The following SULF2 variants were observed in gnomAD, a reference collection of about 807,000 sequenced individuals.
SULF2 encodes sulfatase 2, also known as extracellular sulfatase Sulf-2.
SULF2 carries 52 observed loss-of-function variants against 107.7 expected under a neutral mutation model. The observed-to-expected ratio is 0.48, with a 90% CI of 0.39 to 0.61. SULF2 has a LOEUF of 0.61. Among genes scored for constraint, SULF2 ranks in the 20% least tolerant of loss-of-function variants. The pLI, the probability that SULF2 is intolerant of heterozygous loss-of-function variation, is 0.00. For missense variants in SULF2, 993 were observed against 1,177.3 expected (o/e 0.84, Z 2.29); for synonymous variants, 460 against 464.3 (o/e 0.99, Z 0.12).
intron 6 of SULF2, among the ~76,000 whole-genome samples, chr20:47,684,139 T>C (rs576502611): frequency 1.3e-5 from 2 of 152,338 alleles, no homozygotes; most frequent in East Asian, 3.9e-4. Context: ...TTGTATGGTA[T>C]GTGAATTACA....
chr20:47,678,589 C>A lies in SULF2; in HGVS notation c.1193+87G>T. On this transcript the variant is annotated intron_variant, in intron 8 of 20. Transcript: ENST00000688720. The surrounding 1 kb of genome is among the most constrained non-coding windows in gnomAD (Gnocchi z 4.5). ...CCCCAGCTCCCGACCCTTGGAGACC[C>A]CACGTTCTAGACCCACAGGGTTTTG... The A allele has an allele frequency of 6.5e-7, 1 of 1,547,134 alleles. No homozygotes were observed. Among genetic ancestry groups the A allele is most frequent in the South Asian group, 1.2e-5 (1 of 84,088 alleles).
chr20:47,755,652 C>T (rs56320712), intron 2 of SULF2, among the ~76,000 whole-genome samples: 4 of 152,146 alleles, frequency 2.6e-5, no homozygotes, highest in East Asian at 1.9e-4. Flanking sequence ...ATCACCCCAT[C>T]GGCCTCTGAA....
At chr20:47,686,692 C>T (rs575485561) in intron 5 of SULF2, among the ~76,000 whole-genome samples, 7 of 152,296 alleles carry the variant, frequency 4.6e-5, no homozygotes, top group Admixed American at 3.3e-4. Context: ...CACAATCGTC[C>T]GGGGCAGAAA....
chr20:47,676,664 G>C, intron 9 of SULF2, 41 bp from the exon 10 acceptor site: 1 of 1,545,920 alleles, frequency 6.5e-7, no homozygotes. Context: ...CGGCCTCTCA[G>C]CTCTGGAGGA....
chr20:47,742,988 T>C (rs2089925414), intron 2 of SULF2, among the ~76,000 whole-genome samples: 1 of 146,556 alleles, frequency 6.8e-6, no homozygotes, highest in Admixed American at 7.0e-5. Flanking sequence ...GGCTCCTATC[T>C]GTTGGAGGCC....
intron 5 of SULF2, among the ~76,000 whole-genome samples, chr20:47,687,190 G>GC (rs748726037): frequency 6.6e-6 from 1 of 152,178 alleles, no homozygotes; most frequent in South Asian, 2.1e-4. Context: ...GATTTCTGCA[G>GC]CCCCGGCTCG....
chr20:47,703,591 G>A (rs2088637555), intron 3 of SULF2, among the ~76,000 whole-genome samples: 1 of 152,126 alleles, frequency 6.6e-6, no homozygotes, highest in Non-Finnish European at 1.5e-5. Flanking sequence ...ACCACGGTGG[G>A]GAACTCTTTG....
intron 1 of SULF2, among the ~76,000 whole-genome samples, chr20:47,784,963 G>A (rs948881000): frequency 1.3e-5 from 2 of 152,258 alleles, no homozygotes; most frequent in Non-Finnish European, 2.9e-5. Context: ...GGTCCCTTGG[G>A]TCTAAACCCT....
At chr20:47,742,858 C>G (rs2089917531) in intron 2 of SULF2, among the ~76,000 whole-genome samples, 2 of 149,852 alleles carry the variant, frequency 1.3e-5, no homozygotes, top group Admixed American at 1.3e-4. Context: ...TTCTAAAGGT[C>G]TAAGTCAGAG....
At chr20:47,732,575 C>T (rs1481537194) in intron 3 of SULF2, among the ~76,000 whole-genome samples, 1 of 152,202 alleles carries the variant, frequency 6.6e-6, no homozygotes, top group African/African-American at 2.4e-5. Context: ...GGTGCAGTGG[C>T]TCACACCTGT....
At position 47,690,245 on chromosome 20, in the gene SULF2, C is replaced by T. The variant is rs141230401; in HGVS notation, c.618G>A (p.Thr206=). The T allele has an allele frequency of 1.6e-5, 25 of 1,563,344 alleles. No homozygotes were observed. The East Asian group carries it at 2.2e-4, about 13-fold the overall frequency. Residue 206 remains threonine (T), a synonymous_variant, in exon 5 of 21, where the codon ACG becomes ACA. Transcript: ENST00000688720. ...ITNDSVSFFR[T]SKKMYPHRPV... Reference sequence around the variant, plus strand: ...GCCTGTGCGGGTACATCTTCTTGGACGTGCGGAAGAAGCTCACGCTGTCAT... The same window carrying T: ...GCCTGTGCGGGTACATCTTCTTGGATGTGCGGAAGAAGCTCACGCTGTCAT...
chr20:47,758,955 C>T (rs921843709), intron 1 of SULF2, among the ~76,000 whole-genome samples: 1 of 152,204 alleles, frequency 6.6e-6, no homozygotes, highest in Non-Finnish European at 1.5e-5. Flanking sequence ...GGGGGATGTG[C>T]TGCCTGCTTC....
chr20:47,768,215 C>A (rs1196323797), intron 1 of SULF2, among the ~76,000 whole-genome samples: 2 of 151,726 alleles, frequency 1.3e-5, no homozygotes, highest in Non-Finnish European at 2.9e-5. Flanking sequence ...AGCCAACACA[C>A]CGAACACAGC....
At chr20:47,695,744 G>C (rs1426392862) in intron 4 of SULF2, among the ~76,000 whole-genome samples, 1 of 152,202 alleles carries the variant, frequency 6.6e-6, no homozygotes, top group African/African-American at 2.4e-5. Context: ...CTCCCAAGTA[G>C]CTGGACTACA....
chr20:47,676,992 T>C (rs1289849907), intron 9 of SULF2, 86 bp downstream of exon 9: 3 of 1,446,668 alleles, frequency 2.1e-6, no homozygotes, highest in African/African-American at 2.8e-5. Flanking sequence ...AGCTCCTGAA[T>C]AGCATGATGC....
chr20:47,672,938 G>C (rs2087525528), intron 10 of SULF2, among the ~76,000 whole-genome samples: 1 of 152,122 alleles, frequency 6.6e-6, no homozygotes, highest in South Asian at 2.1e-4. Context: ...GCTGCTGGAG[G>C]CTTCTCTTCC....
In SULF2 at chr20:47,666,438, C is replaced by T. The variant is rs745646259; in HGVS notation, c.1627G>A (p.Glu543Lys). ...RSRSIRSVAI[E>K]VDGRVYHVGL... ...ACGTGGTACACCCTGCCGTCCACCT[C>T]GATGGCCACTGAGCGGATGGAGCGA... The change falls in exon 12 of 21, where the codon GAG becomes AAG. Residue 543 changes from glutamate (E) to lysine (K), a missense_variant. Transcript: ENST00000688720. This position sits in a 1 kb window ranked among gnomAD's most constrained non-coding sequence, Gnocchi z 5.4. The T allele has an allele frequency of 1.7e-5, 28 of 1,613,704 alleles. No individual in the cohort carries two copies. The highest frequency in any genetic ancestry group is 2.2e-5 in the South Asian group (2 of 91,088).
intron 11 of SULF2, among the ~76,000 whole-genome samples, chr20:47,670,420 G>A (rs961452938): frequency 2.0e-5 from 3 of 151,456 alleles, no homozygotes; most frequent in African/African-American, 4.9e-5. Context: ...TCGAACTTCT[G>A]AGCTCAGGCA....
rs141033589 is a variant in SULF2 at position 47,699,881 on chromosome 20, C to T, written c.567+2638G>A. On this transcript the variant is annotated intron_variant, in intron 4 of 20. Coordinates refer to ENST00000688720, the MANE Select transcript of SULF2 (RefSeq NM_001387048.1). Reference sequence around the variant, plus strand: ...CCTTTTGGACAGACACCTTCTCCACCGTCTCCACCACTCCCTATTGTCCAC... The same window carrying T: ...CCTTTTGGACAGACACCTTCTCCACTGTCTCCACCACTCCCTATTGTCCAC... Among the ~76,000 whole-genome samples, 365 of 152,324 alleles carry T rather than the reference C, an allele frequency of 2.4e-3. 2 individuals carry two copies. Among genetic ancestry groups the T allele is most frequent in the African/African-American group, 8.3e-3 (346 of 41,562 alleles).
Sources: gnomAD v4.1 joint callset for allele counts (sites outside exome capture counted in the v4.1 genomes callset) on GRCh38, gnomAD v4.1.1 for gene constraint, Gnocchi (gnomAD v3.1) non-coding constraint, MANE v1.5 for transcripts, NCBI Gene and HGNC (gene_info 2026-07-23, HGNC 2026-07-21) for gene names.